The following C9 variants were observed in gnomAD, a reference collection of about 807,000 sequenced individuals.
C9 encodes the protein complement C9.
C9 carries 63 observed loss-of-function variants against 65.4 expected under a neutral mutation model. The ratio of observed to expected loss-of-function variants is 0.96; its 90% CI spans 0.79 to 1.19. C9 has a LOEUF of 1.19. Ranked by LOEUF, C9 falls within the 50% of genes most tolerant of loss-of-function variation. C9 has a pLI of 0.00. For synonymous variants in C9, 229 were observed against 227.9 expected (o/e 1.00, Z -0.04); for missense variants, 744 against 670.1 (o/e 1.11, Z -1.22).
rs534213902 is a variant in C9, at chr5:39,297,247, A to C, written c.1417-8296T>G. 6.9e-4 allele frequency among the ~76,000 whole-genome samples: 105 copies of C among 151,780 alleles called. 1 individual carries two copies. Among genetic ancestry groups the C allele is most frequent in the African/African-American group, 2.5e-3 (102 of 41,532 alleles). On this transcript the variant is annotated intron_variant, in intron 9 of 10. Transcript: ENST00000263408. Reference sequence around the variant, plus strand: ...CGATAACTATACATTATCATTATCAAAATATCACTATGTACCCCATAAGTA... The same window carrying C: ...CGATAACTATACATTATCATTATCACAATATCACTATGTACCCCATAAGTA...
intron 1 of C9, among the ~76,000 whole-genome samples, chr5:39,360,667 A>G (rs919532293): frequency 4.6e-5 from 7 of 152,202 alleles, no homozygotes; most frequent in African/African-American, 9.7e-5. Flanking sequence ...AAAAACATAT[A>G]TATGGCCTTT....
chr5:39,289,876 C>T (rs923982074), intron 9 of C9, among the ~76,000 whole-genome samples: 17 of 151,886 alleles, frequency 1.1e-4, no homozygotes, highest in African/African-American at 4.1e-4. Context: ...TTCCTGAGCC[C>T]CATCCAACAA....
intron 1 of C9, among the ~76,000 whole-genome samples, chr5:39,360,774 C>T (rs967249876): frequency 2.0e-5 from 3 of 151,722 alleles, no homozygotes; most frequent in Non-Finnish European, 2.9e-5. Flanking sequence ...ATGAAGTTGA[C>T]AAATATCAAA....
At position 39,285,087 on chromosome 5, in the gene C9, A is replaced by T; in HGVS notation, c.*112T>A. The T allele has an allele frequency of 1.1e-6, 1 of 905,378 alleles. No individual in the cohort carries two copies. The highest frequency in any genetic ancestry group is 1.9e-6 in the Non-Finnish European group (1 of 539,552). The allele number at this position is 905,378 out of a possible 1,614,324, so 56.1% of individuals were successfully genotyped here. A position where few individuals can be genotyped will look rare whatever the true frequency, so the allele number is the denominator to read the frequency against. ...AGAAGAGACTTCAGAGGTTGGTAGGATTTTCATGAAGCATGTTGCTATTTA... is the reference window on the plus strand; with the variant it reads ...AGAAGAGACTTCAGAGGTTGGTAGGTTTTTCATGAAGCATGTTGCTATTTA... On this transcript the variant is annotated 3_prime_UTR_variant, in exon 11 of 11. Transcript: ENST00000263408.
chr5:39,308,088 T>G, intron 8 of C9, 142 bp downstream of exon 8: 1 of 778,022 alleles, frequency 1.3e-6, no homozygotes, highest in South Asian at 1.5e-5. Context: ...GTGTTTATAG[T>G]GGTTTGAAAA....
chr5:39,288,832 T>C lies in C9; in HGVS notation c.1536A>G (p.Thr512=). The C allele has an allele frequency of 6.2e-7, 1 of 1,611,156 alleles. No homozygotes were observed. The change falls in exon 10 of 11, where the codon ACA becomes ACG. Residue 512 remains threonine (T), a synonymous_variant. Transcript: ENST00000263408. ...INEFSVRKCH[T]CQNGGTVILM... ...GAATCACTGTACCTCCATTTTGGCA[T>C]GTGTGGCATTTTCTTACACTAAATT...
At chr5:39,313,999 T>C (rs1160021088) in intron 6 of C9, among the ~76,000 whole-genome samples, 1 of 152,192 alleles carries the variant, frequency 6.6e-6, no homozygotes, top group Non-Finnish European at 1.5e-5. Flanking sequence ...GACTCTATAA[T>C]TGTCCTATCT....
rs112777519 is a variant in C9 at position 39,296,469 on chromosome 5, A to C, written c.1417-7518T>G. On this transcript the variant is annotated intron_variant, in intron 9 of 10. Transcript: ENST00000263408. ...AAACAATGCTGGCAAGGATGTGGAA[A>C]AAAAAGGAACTCATAACACTGTTGG... Among the ~76,000 whole-genome samples the C allele has an allele frequency of 9.2e-5, 14 of 151,820 alleles. 2 individuals carry two copies. The highest frequency in any genetic ancestry group is 3.4e-4 in the African/African-American group (14 of 41,526).
intron 5 of C9, among the ~76,000 whole-genome samples, chr5:39,318,431 G>A (rs1284209665): frequency 6.6e-6 from 1 of 152,142 alleles, no homozygotes; most frequent in Non-Finnish European, 1.5e-5. Flanking sequence ...TCCTTGTCTT[G>A]TGCTGGTTTT....
chr5:39,313,191 C>G (rs1010016646), intron 6 of C9, among the ~76,000 whole-genome samples: 1 of 152,128 alleles, frequency 6.6e-6, no homozygotes, highest in Admixed American at 6.6e-5. Flanking sequence ...CAGCCACTAC[C>G]CATTTCTTTG....
At position 39,284,440 on chromosome 5, in the gene C9, T is replaced by C. The variant is rs1561328324; in HGVS notation, c.*759A>G. ...AGGTATTAAGTTGGACTATATAAAA[T>C]TGATGTTTTTTCTTGTAAAATATGA... On this transcript the variant is annotated 3_prime_UTR_variant, in exon 11 of 11. Coordinates refer to ENST00000263408, the MANE Select transcript of C9 (RefSeq NM_001737.5). 1 of 152,302 alleles carries C rather than the reference T, an allele frequency of 6.6e-6. No homozygotes were observed. Among genetic ancestry groups the C allele is most frequent in the East Asian group, 1.9e-4 (1 of 5,192 alleles). 9.4% of individuals were successfully genotyped at this position (152,302 alleles called of 1,614,324 possible).
At chr5:39,334,762 C>T (rs569518016) in intron 4 of C9, among the ~76,000 whole-genome samples, 22 of 152,004 alleles carry the variant, frequency 1.4e-4, no homozygotes, top group Admixed American at 1.4e-3. Flanking sequence ...GCCCGGCCGC[C>T]CCTACTGGGA....
At chr5:39,341,039 A>T in intron 4 of C9, 107 bp downstream of exon 4, 1 of 1,209,204 alleles carries the variant, frequency 8.3e-7, no homozygotes, top group Non-Finnish European at 1.2e-6. Flanking sequence ...CATCAGCTGT[A>T]TCACCTATGT....
intron 1 of C9, 82 bp downstream of exon 1, chr5:39,364,306 A>G: frequency 1.3e-6 from 1 of 786,606 alleles, no homozygotes; most frequent in Middle Eastern, 2.2e-4. Context: ...TAACATTGTC[A>G]TGTACTTTGC....
chr5:39,329,651 C>G (rs1447669570), intron 5 of C9, among the ~76,000 whole-genome samples: 1 of 151,960 alleles, frequency 6.6e-6, no homozygotes, highest in African/African-American at 2.4e-5. Flanking sequence ...AAATGAAAGC[C>G]AATAAATTAT....
chr5:39,287,446 C>T (rs149332882), intron 10 of C9, among the ~76,000 whole-genome samples: 94 of 151,770 alleles, frequency 6.2e-4, no homozygotes, highest in African/African-American at 1.3e-3. Context: ...GGGTATCTAC[C>T]GAGAGGAAAA....
intron 5 of C9, among the ~76,000 whole-genome samples, chr5:39,326,987 GTTT>G (rs1263708120): frequency 6.6e-6 from 1 of 151,914 alleles, no homozygotes; most frequent in Non-Finnish European, 1.5e-5. Flanking sequence ...ATACAATATA[GTTT>G]TTCAGTATTC....
At position 39,308,317 on chromosome 5, in the gene C9, G is replaced by C; in HGVS notation, c.1153C>G (p.Leu385Val). The change falls in exon 8 of 11, where the codon CTG becomes GTG. Residue 385 changes from leucine to valine, a missense_variant. By Grantham distance (32) the Leu-to-Val change is conservative (BLOSUM62 1). Coordinates refer to ENST00000263408, the MANE Select transcript of C9 (RefSeq NM_001737.5). Reference protein sequence around the residue: ...KDIKRCLGYHLDVSLAFSEIS... With the variant: ...KDIKRCLGYHVDVSLAFSEIS... ...TCAGAGAAAGCCAGAGATACATCCA[G>C]ATGATACCCAAGGCATCTCTTTATG... is the stretch of plus-strand genomic sequence containing the variant. 6.2e-7 allele frequency: 1 copy of C among 1,604,180 alleles called. No individual in the cohort carries two copies. The highest frequency in any genetic ancestry group is 8.5e-7 in the Non-Finnish European group (1 of 1,171,046).
chr5:39,317,769 G>T (rs1753596252), intron 5 of C9, among the ~76,000 whole-genome samples: 1 of 152,152 alleles, frequency 6.6e-6, no homozygotes, highest in African/African-American at 2.4e-5. Context: ...TTCGAAGTCA[G>T]GCAGTGTGAC....
Sources: allele counts gnomAD v4.1 joint callset (sites outside exome capture counted in the v4.1 genomes callset), GRCh38; gene constraint gnomAD v4.1.1; transcripts MANE v1.5; gene names NCBI Gene and HGNC (gene_info 2026-07-23, HGNC 2026-07-21).